The following RTF2 variants were observed in gnomAD, a reference collection of about 807,000 sequenced individuals.
RTF2 encodes UPF0549 protein C20orf43.
A neutral mutation model predicts 38.0 loss-of-function variants in RTF2; 18 were observed. The ratio of observed to expected loss-of-function variants is 0.47; its 90% CI spans 0.33 to 0.70. RTF2 has a LOEUF of 0.70. Among genes scored for constraint, RTF2 ranks in the 30% least tolerant of loss-of-function variants. The probability of loss-of-function intolerance (pLI) is 0.02; values close to 1 mark genes in which losing one functional copy is unlikely to be tolerated. For synonymous variants in RTF2, 126 were observed against 137.1 expected, an observed-to-expected ratio of 0.92 and a Z score of 0.57; for missense variants, 311 against 379.6, an observed-to-expected ratio of 0.82 and a Z score of 1.50.
intron 3 of RTF2, 71 bp downstream of exon 3, chr20:56,474,842 C>T (rs1203859053): frequency 3.2e-5 from 32 of 998,678 alleles, no homozygotes; most frequent in Admixed American, 5.0e-5. Flanking sequence ...AGAATTTATA[C>T]GCCTTAAAGA....
chr20:56,484,197 C>T lies in RTF2; in HGVS notation c.477+8C>T, dbSNP rs978119406. ...GCGGAAGTTTGCCACACGGTGAGTT[C>T]CTGACATGTACCATTTGTTCCTTCT... is the stretch of plus-strand genomic sequence containing the variant. On this transcript the variant is annotated splice_region_variant and intron_variant, in intron 5 of 8. Coordinates refer to ENST00000357348, the MANE Select transcript of RTF2 (RefSeq NM_016407.5). 4.4e-6 allele frequency: 7 copies of T among 1,607,190 alleles called. No individual in the cohort carries two copies. The highest frequency in any genetic ancestry group is 6.0e-6 in the Non-Finnish European group (7 of 1,173,670).
rs138754317 is a variant in RTF2, at chr20:56,472,624, C to T, written c.70-677C>T. Among the ~76,000 whole-genome samples, 92 of 151,758 alleles carry T rather than the reference C, an allele frequency of 6.1e-4. 1 individual carries two copies. Among genetic ancestry groups the T allele is most frequent in the African/African-American group, 1.5e-3 (63 of 41,368 alleles). On this transcript the variant is annotated intron_variant, in intron 1 of 8. Coordinates refer to ENST00000357348, the MANE Select transcript of RTF2 (RefSeq NM_016407.5). ...CAGTTCTTAAGTCTTTAAATTCTGCCGCAACTTAGCAGGCTTTCCCATTGT... is the reference window on the plus strand; with the variant it reads ...CAGTTCTTAAGTCTTTAAATTCTGCTGCAACTTAGCAGGCTTTCCCATTGT...
chr20:56,500,144 TC>T (rs1293215242), intron 5 of RTF2, among the ~76,000 whole-genome samples: 2 of 151,634 alleles, frequency 1.3e-5, no homozygotes, highest in African/African-American at 4.8e-5. Flanking sequence ...AACCTCCACC[TC>T]CTGGGTTCGA....
chr20:56,511,220 C>G lies in RTF2; in HGVS notation c.478-2095C>G, dbSNP rs115227135. On this transcript the variant is annotated intron_variant, in intron 5 of 8. Coordinates refer to ENST00000357348, the MANE Select transcript of RTF2 (RefSeq NM_016407.5). ...CCATACCGGTGACAGTCCGTGGCCT[C>G]TTAGGAACCGGGCCACACAGCAGGA... 3.3e-3 allele frequency among the ~76,000 whole-genome samples: 496 copies of G among 152,240 alleles called. 2 individuals carry two copies. The highest frequency in any genetic ancestry group is 0.01 in the African/African-American group (427 of 41,528).
chr20:56,470,026 C>G (rs1259056363), intron 1 of RTF2, among the ~76,000 whole-genome samples: 1 of 152,194 alleles, frequency 6.6e-6, no homozygotes, highest in African/African-American at 2.4e-5. Flanking sequence ...TTTATTGTCT[C>G]TTTCCCACGT....
At chr20:56,482,027 C>T (rs1402696250) in intron 4 of RTF2, among the ~76,000 whole-genome samples, 1 of 152,146 alleles carries the variant, frequency 6.6e-6, no homozygotes, top group Non-Finnish European at 1.5e-5. Flanking sequence ...TGTGGCTTCC[C>T]CTGTTGTTTC....
intron 5 of RTF2, among the ~76,000 whole-genome samples, chr20:56,494,495 A>G (rs1480888821): frequency 6.6e-6 from 1 of 152,196 alleles, no homozygotes; most frequent in African/African-American, 2.4e-5. Flanking sequence ...CCAAGTGTGT[A>G]ATGACAGGGA....
chr20:56,493,611 A>G (rs906295147), intron 5 of RTF2, among the ~76,000 whole-genome samples: 12 of 150,580 alleles, frequency 8.0e-5, no homozygotes, highest in Middle Eastern at 3.4e-3. Context: ...AGCTATGATC[A>G]TACCACCTGC....
chr20:56,508,794 T>C (rs749147578), intron 5 of RTF2, among the ~76,000 whole-genome samples: 43 of 152,164 alleles, frequency 2.8e-4, no homozygotes, highest in Non-Finnish European at 5.0e-4. Context: ...TTTCAACAAA[T>C]AGTGTGGGGT....
intron 3 of RTF2, among the ~76,000 whole-genome samples, chr20:56,475,897 A>G (rs1481993235): frequency 1.3e-5 from 2 of 152,264 alleles, no homozygotes; most frequent in Non-Finnish European, 2.9e-5. Context: ...AACAATGCTA[A>G]TACATAAGAT....
chr20:56,474,526 A>T (rs1351808592), intron 2 of RTF2, 152 bp from the exon 3 acceptor site: 84 of 506,936 alleles, frequency 1.7e-4, no homozygotes, highest in Non-Finnish European at 1.0e-5. Context: ...CTCTGGAAAT[A>T]GTTGAAACAG....
chr20:56,495,946 C>T (rs1282922508), intron 5 of RTF2, among the ~76,000 whole-genome samples: 2 of 152,204 alleles, frequency 1.3e-5, no homozygotes, highest in Non-Finnish European at 2.9e-5. Flanking sequence ...CATTTTCCAT[C>T]TTACAGAGAG....
chr20:56,492,685 T>G (rs913129014), intron 5 of RTF2, among the ~76,000 whole-genome samples: 2 of 152,036 alleles, frequency 1.3e-5, no homozygotes, highest in Admixed American at 1.3e-4. Context: ...GCTCTTGCTT[T>G]TAATTCTCAC....
At chr20:56,497,250 T>C (rs1983606680) in intron 5 of RTF2, 1 of 1,551,816 alleles carries the variant, frequency 6.4e-7, no homozygotes, top group Non-Finnish European at 8.7e-7. Context: ...CATGGCCAGC[T>C]CCTTATGAAT....
At chr20:56,477,663 G>A (rs1416829340) in intron 4 of RTF2, among the ~76,000 whole-genome samples, 3 of 151,914 alleles carry the variant, frequency 2.0e-5, no homozygotes, top group South Asian at 2.1e-4. Context: ...GATTGTAGGC[G>A]TAAGCCACCA....
intron 5 of RTF2, among the ~76,000 whole-genome samples, chr20:56,512,148 T>C (rs1323006993): frequency 6.6e-6 from 1 of 152,020 alleles, no homozygotes; most frequent in Non-Finnish European, 1.5e-5. Context: ...CGCCCAGTCT[T>C]AGACCCCTCA....
Position 56,484,241 on chromosome 20 carries a change from G to T in RTF2, c.477+52G>T, listed in dbSNP as rs775381233. The T allele has an allele frequency of 4.9e-6, 7 of 1,425,092 alleles. No homozygotes were observed. In the African/African-American group the frequency reaches 9.8e-5, roughly 20 times the overall value. The allele number at this position is 1,425,092 out of a possible 1,614,324, so 88.3% of individuals were successfully genotyped here. A position where few individuals can be genotyped will look rare whatever the true frequency, so the allele number is the denominator to read the frequency against. ...TCCTTCTCTGTAGCTGAGGAAATCAGATGGTTTAGGGTCCTTTCCCTCCAT... is the reference window on the plus strand; with the variant it reads ...TCCTTCTCTGTAGCTGAGGAAATCATATGGTTTAGGGTCCTTTCCCTCCAT... On this transcript the variant is annotated intron_variant, in intron 5 of 8. Transcript: ENST00000357348.
chr20:56,471,672 A>C (rs1316966985), intron 1 of RTF2: 1 of 152,304 alleles, frequency 6.6e-6, no homozygotes, highest in Non-Finnish European at 1.5e-5. Flanking sequence ...AGACCCTGGT[A>C]AACACATTTT....
intron 1 of RTF2, among the ~76,000 whole-genome samples, chr20:56,470,350 CA>C (rs1981892503): frequency 6.6e-6 from 1 of 152,094 alleles, no homozygotes; most frequent in Non-Finnish European, 1.5e-5. Context: ...AAGAGCGATT[CA>C]AAAAAGCCAG....
Sources: allele counts gnomAD v4.1 joint callset (sites outside exome capture counted in the v4.1 genomes callset), GRCh38; gene constraint gnomAD v4.1.1; transcripts MANE v1.5; gene names NCBI Gene and HGNC (gene_info 2026-07-23, HGNC 2026-07-21).